The following MGME1 variants were observed in gnomAD, a reference collection of about 807,000 sequenced individuals.
MGME1 encodes chromosome 20 open reading frame 72.
In MGME1, 22 loss-of-function variants were observed where a neutral mutation model predicts 33.0. That is an observed-to-expected ratio of 0.67 (90% CI 0.48 to 0.95). The LOEUF (loss-of-function observed/expected upper bound fraction) is 0.95, where lower values mean the gene tolerates loss of function less well. Ranked by LOEUF, MGME1 falls within the 40% of genes least tolerant of loss-of-function variation. The probability of loss-of-function intolerance (pLI) is 0.00; values close to 1 mark genes in which losing one functional copy is unlikely to be tolerated. For synonymous variants in MGME1, 133 were observed against 144.0 expected (o/e 0.92, Z 0.55); for missense variants, 383 against 397.8 (o/e 0.96, Z 0.32).
intron 3 of MGME1, among the ~76,000 whole-genome samples, chr20:17,984,457 G>T (rs2036106522): frequency 6.6e-6 from 1 of 152,014 alleles, no homozygotes. Flanking sequence ...CGTGTTCGTG[G>T]TTATGCTGGT....
intron 3 of MGME1, among the ~76,000 whole-genome samples, chr20:17,979,049 A>T (rs1417561619): frequency 6.6e-6 from 1 of 151,264 alleles, no homozygotes; most frequent in East Asian, 1.9e-4. Context: ...AAGTGCTGGG[A>T]TTGTAAGTGT....
chr20:17,978,010 A>G (rs1215166733), intron 3 of MGME1, among the ~76,000 whole-genome samples: 1 of 152,246 alleles, frequency 6.6e-6, no homozygotes, highest in Non-Finnish European at 1.5e-5. Flanking sequence ...AAGCTTGTCT[A>G]TTCCACAGCC....
intron 3 of MGME1, among the ~76,000 whole-genome samples, chr20:17,976,644 GTTGTTTTGTT>G (rs920710248): frequency 2.0e-5 from 3 of 152,000 alleles, no homozygotes; most frequent in Non-Finnish European, 4.4e-5. Flanking sequence ...GCTTCCCATG[GTTGTTTTGTT>G]TTGTTTTGTT....
chr20:17,990,285 TCTAGATATAAAGAC>T lies in MGME1; in HGVS notation c.*182_*195del. ...CCAAAAAGACTGAAAAGCCCCAAAG[TCTAGATATAAAGAC>T]CTAGACTTCGGCACGCGAAATCCCA... On this transcript the variant is annotated 3_prime_UTR_variant, in exon 5 of 5. Transcript: ENST00000377710. The T allele has an allele frequency of 1.5e-6, 1 of 660,188 alleles. No homozygotes were observed. The allele number at this position is 660,188 out of a possible 1,614,324, so 40.9% of individuals were successfully genotyped here. A position where few individuals can be genotyped will look rare whatever the true frequency, so the allele number is the denominator to read the frequency against.
chr20:17,984,855 A>G (rs971147531), intron 3 of MGME1, among the ~76,000 whole-genome samples: 1 of 151,606 alleles, frequency 6.6e-6, no homozygotes, highest in Admixed American at 6.6e-5. Flanking sequence ...AGGCAACACG[A>G]TGAAACTCCG....
intron 2 of MGME1, among the ~76,000 whole-genome samples, chr20:17,973,369 C>T (rs1415599811): frequency 6.6e-6 from 1 of 150,652 alleles, no homozygotes; most frequent in East Asian, 2.0e-4. Flanking sequence ...AGTTGAAGGC[C>T]GAGTGCAGTG....
In MGME1 at chr20:17,989,949, G is replaced by A. The variant is rs770748778; in HGVS notation, c.875G>A (p.Gly292Asp). 1.9e-6 allele frequency: 3 copies of A among 1,613,988 alleles called. No individual in the cohort carries two copies. Among genetic ancestry groups the A allele is most frequent in the Admixed American group, 3.3e-5 (2 of 59,962 alleles). The change falls in exon 5 of 5, where the codon GGC (glycine) becomes GAC (aspartate). Residue 292 changes from glycine to aspartate, a missense_variant. Gly to Asp is a moderately conservative substitution (Grantham distance 94). Coordinates refer to ENST00000377710, the MANE Select transcript of MGME1 (RefSeq NM_052865.4). ...TGTGTTTCTTCCTAGGTTCAATGTG[G>A]CTTAATTGTGGTGGCCTACAAAGAT... ...DTNYSFQVQC[G>D]LIVVAYKDGS...
chr20:17,978,145 C>T (rs367719624), intron 3 of MGME1, among the ~76,000 whole-genome samples: 6 of 152,212 alleles, frequency 3.9e-5, no homozygotes, highest in African/African-American at 1.4e-4. Flanking sequence ...GCCAGGAAGC[C>T]GAAAGAGTGG....
At chr20:17,979,323 C>G (rs6132018) in intron 3 of MGME1, among the ~76,000 whole-genome samples, 42,613 of 152,010 alleles carry the variant, frequency 0.28, 6,210 homozygotes, top group East Asian at 0.43. Context: ...AAGCAAGCTG[C>G]CTGTCTCCGT....
Position 17,990,410 on chromosome 20 carries a change from T to TGGTGGGGGGGGGGG in MGME1, c.*303_*304insTGGGGGGGGGGGGG, listed in dbSNP as rs1555792152. The TGGTGGGGGGGGGGG allele has an allele frequency of 2.2e-5, 1 of 44,504 alleles. No individual in the cohort carries two copies. Among genetic ancestry groups the TGGTGGGGGGGGGGG allele is most frequent in the African/African-American group, 1.4e-4 (1 of 7,190 alleles). 2.8% of individuals were successfully genotyped at this position (44,504 alleles called of 1,614,324 possible). A position where few individuals can be genotyped will look rare whatever the true frequency, so the allele number is the denominator to read the frequency against. On this transcript the variant is annotated 3_prime_UTR_variant, in exon 5 of 5. Coordinates refer to ENST00000377710, the MANE Select transcript of MGME1 (RefSeq NM_052865.4). ...ACTCTTGTACTCCCTTGAGGGACAT[T>TGGTGGGGGGGGGGG]GGGGGGGGGGGGGCGTGGTCCCAGG...
intron 3 of MGME1, among the ~76,000 whole-genome samples, chr20:17,979,014 G>A (rs952935195): frequency 2.5e-4 from 38 of 152,068 alleles, no homozygotes; most frequent in African/African-American, 7.2e-4. Flanking sequence ...CGGGCCTTGA[G>A]TGATCTGCCC....
intron 4 of MGME1, 38 bp from the exon 5 acceptor site, chr20:17,989,901 C>T: frequency 6.2e-7 from 1 of 1,600,002 alleles, no homozygotes; most frequent in Non-Finnish European, 8.5e-7. Context: ...TCTGGACCTA[C>T]TGTAGTGAAA....
chr20:17,969,823 G>T lies in MGME1; in HGVS notation c.-37G>T. The stretch of plus-strand genomic sequence containing the variant: ...TAGGAATACAAACATAAAGGCCTTC[G>T]ACCGTTGCAAATAGACTAAAGTGAA... On this transcript the variant is annotated 5_prime_UTR_variant, in exon 2 of 5. Transcript: ENST00000377710. The T allele has an allele frequency of 2.6e-6, 4 of 1,557,408 alleles. No individual in the cohort carries two copies. In the South Asian group the frequency reaches 4.9e-5, roughly 19 times the overall value.
At chr20:17,986,151 T>C (rs1368579705) in intron 3 of MGME1, among the ~76,000 whole-genome samples, 1 of 152,016 alleles carries the variant, frequency 6.6e-6, no homozygotes, top group Non-Finnish European at 1.5e-5. Context: ...TCACTGCAAC[T>C]TCTGCCTCCC....
intron 4 of MGME1, 39 bp downstream of exon 4, chr20:17,988,337 G>T: frequency 6.2e-7 from 1 of 1,600,500 alleles, no homozygotes. Context: ...TTTGCTCAAT[G>T]CTTACTTAAA....
intron 4 of MGME1, 22 bp downstream of exon 4, chr20:17,988,320 T>G: frequency 2.5e-6 from 4 of 1,609,220 alleles, no homozygotes; most frequent in Non-Finnish European, 3.4e-6. Flanking sequence ...GAGCCTTTAC[T>G]TAAAGCTTTG....
At position 17,975,755 on chromosome 20, in the gene MGME1, G is replaced by A; in HGVS notation, c.583G>A (p.Glu195Lys). ...SILSPQETLK[E>K]RDENLLKSGY... ...ACTTTCACCCCAGGAAACCTTAAAA[G>A]AGAGAGATGAAAATCTCCTCAAGTC... Residue 195 changes from glutamate to lysine, a missense_variant, in exon 3 of 5, where the codon GAG becomes AAG. Coordinates refer to ENST00000377710, the MANE Select transcript of MGME1 (RefSeq NM_052865.4). 1 of 1,614,066 alleles carries A rather than the reference G, an allele frequency of 6.2e-7. No individual in the cohort carries two copies. Among genetic ancestry groups the A allele is most frequent in the Non-Finnish European group, 8.5e-7 (1 of 1,179,990 alleles).
chr20:17,969,662 T>A lies in MGME1; in HGVS notation c.-59-139T>A, dbSNP rs527237608. ...TTGAGTCTTGATTTATTTATAAATT[T>A]TTTTTGGAGGCAGGGTCTCGCTCTG... On this transcript the variant is annotated intron_variant, in intron 1 of 4. Transcript: ENST00000377710. 16 of 539,906 alleles carry A rather than the reference T, an allele frequency of 3.0e-5. 1 individual carries two copies. In the South Asian group the frequency reaches 4.6e-4, roughly 16 times the overall value. 33.4% of individuals were successfully genotyped at this position (539,906 alleles called of 1,614,324 possible).
rs767443760 is a variant in MGME1 at position 17,969,990 on chromosome 20, A to G, written c.131A>G (p.Tyr44Cys). 64 of 1,614,032 alleles carry G rather than the reference A, an allele frequency of 4.0e-5. No homozygotes were observed. Among genetic ancestry groups the G allele is most frequent in the Non-Finnish European group, 5.3e-5 (62 of 1,180,020 alleles). The change falls in exon 2 of 5, where the codon TAT (tyrosine) becomes TGT (cysteine). Residue 44 changes from tyrosine (Y) to cysteine (C), a missense_variant. Tyr to Cys is a radical substitution (Grantham distance 194). Coordinates refer to ENST00000377710, the MANE Select transcript of MGME1 (RefSeq NM_052865.4). ...GGCCGGAAGAAAAAAGTGAACCCATATGAAGAAGTGGACCAAGAAAAATAC... is the reference window on the plus strand; with the variant it reads ...GGCCGGAAGAAAAAAGTGAACCCATGTGAAGAAGTGGACCAAGAAAAATAC... Reference protein sequence around the residue: ...SCGRKKKVNPYEEVDQEKYSN... With the variant: ...SCGRKKKVNPCEEVDQEKYSN...
Sources: allele counts gnomAD v4.1 joint callset (sites outside exome capture counted in the v4.1 genomes callset), GRCh38; gene constraint gnomAD v4.1.1; transcripts MANE v1.5; gene names NCBI Gene and HGNC (gene_info 2026-07-23, HGNC 2026-07-21).